Variants in PPP2R5A observed in about 807,000 individuals in gnomAD.
PPP2R5A encodes the protein serine/threonine-protein phosphatase 2A 56 kDa regulatory subunit alpha isoform.
Under a neutral mutation model 64.2 loss-of-function variants are expected in PPP2R5A, and 25 were observed. That is an observed-to-expected ratio of 0.39 (90% CI 0.28 to 0.54). The LOEUF is 0.54. Among genes scored for constraint, PPP2R5A ranks in the 20% least tolerant of loss-of-function variants. The probability of loss-of-function intolerance (pLI) is 0.67; values close to 1 mark genes in which losing one functional copy is unlikely to be tolerated. For missense variants in PPP2R5A, 425 were observed against 576.3 expected (o/e 0.74, Z 2.69); for synonymous variants, 198 against 201.2 (o/e 0.98, Z 0.13).
chr1:212,333,592 C>T lies in PPP2R5A; in HGVS notation c.474C>T (p.His158=), dbSNP rs776657072. 6.6e-7 allele frequency: 1 copy of T among 1,515,700 alleles called. No homozygotes were observed. 93.9% of individuals were successfully genotyped at this position (1,515,700 alleles called of 1,614,324 possible). A position where few individuals can be genotyped will look rare whatever the true frequency, so the allele number is the denominator to read the frequency against. ...CCACGCTTGAGGCCTCTTGGCCTCACATACAGGTATGGAACATAATTACGT... is the reference window on the plus strand; with the variant it reads ...CCACGCTTGAGGCCTCTTGGCCTCATATACAGGTATGGAACATAATTACGT... The part of the protein sequence containing the change: ...DEPTLEASWP[H]IQLVYEFFLR... Residue 158 remains histidine (H), a synonymous_variant, in exon 3 of 13, where the codon CAC becomes CAT. Coordinates refer to ENST00000261461, the MANE Select transcript of PPP2R5A (RefSeq NM_006243.4).
At chr1:212,354,207 TAAC>T (rs956110941) in intron 8 of PPP2R5A, among the ~76,000 whole-genome samples, 1 of 151,714 alleles carries the variant, frequency 6.6e-6, no homozygotes, top group African/African-American at 2.4e-5. Context: ...TAAATAAAAA[TAAC>T]AGGCTACATA....
chr1:212,314,402 ATGGGTTCTT>A (rs1659105282), intron 1 of PPP2R5A, among the ~76,000 whole-genome samples: 2 of 151,626 alleles, frequency 1.3e-5, no homozygotes, highest in Non-Finnish European at 2.9e-5. Flanking sequence ...TTTTTTTAAG[ATGGGTTCTT>A]AAAAAACCCA....
At chr1:212,322,074 G>A (rs1316694986) in intron 1 of PPP2R5A, among the ~76,000 whole-genome samples, 1 of 151,506 alleles carries the variant, frequency 6.6e-6, no homozygotes, top group East Asian at 1.9e-4. Flanking sequence ...TGCAATCGCA[G>A]GCACTCGGCA....
intron 1 of PPP2R5A, among the ~76,000 whole-genome samples, chr1:212,308,117 A>G (rs964274294): frequency 3.9e-4 from 60 of 152,134 alleles, no homozygotes; most frequent in African/African-American, 1.3e-3. Context: ...CATTTTTGAA[A>G]GATCGTTTTA....
At chr1:212,316,177 A>G (rs1216728376) in intron 1 of PPP2R5A, among the ~76,000 whole-genome samples, 2 of 152,210 alleles carry the variant, frequency 1.3e-5, no homozygotes, top group East Asian at 3.8e-4. Context: ...GAAGCTAGAA[A>G]TGATTAAGCT....
chr1:212,294,068 A>T (rs977444436), intron 1 of PPP2R5A, among the ~76,000 whole-genome samples: 1 of 152,224 alleles, frequency 6.6e-6, no homozygotes, highest in Non-Finnish European at 1.5e-5. Flanking sequence ...AAGAATTTTT[A>T]AATGGCTTAG....
intron 12 of PPP2R5A, among the ~76,000 whole-genome samples, chr1:212,360,009 C>G (rs1660051523): frequency 6.6e-6 from 1 of 152,156 alleles, no homozygotes; most frequent in African/African-American, 2.4e-5. Context: ...TTTACATGTT[C>G]ATGGAGCCTT....
At chr1:212,331,100 G>A (rs1311590515) in intron 2 of PPP2R5A, among the ~76,000 whole-genome samples, 4 of 151,452 alleles carry the variant, frequency 2.6e-5, no homozygotes, top group African/African-American at 7.3e-5. Context: ...CCTGGGAGGC[G>A]GAGGTTGCAG....
chr1:212,311,206 T>C (rs1188956000), intron 1 of PPP2R5A, among the ~76,000 whole-genome samples: 1 of 152,194 alleles, frequency 6.6e-6, no homozygotes, highest in Non-Finnish European at 1.5e-5. Context: ...GCATGGTGGC[T>C]CAAGCCTATC....
chr1:212,321,197 C>A (rs1210256624), intron 1 of PPP2R5A, among the ~76,000 whole-genome samples: 2 of 146,648 alleles, frequency 1.4e-5, no homozygotes, highest in African/African-American at 5.1e-5. Flanking sequence ...GGGGGCTGAC[C>A]CCCCCACATC....
At chr1:212,336,779 C>G (rs1659600147) in intron 3 of PPP2R5A, among the ~76,000 whole-genome samples, 1 of 152,134 alleles carries the variant, frequency 6.6e-6, no homozygotes, top group South Asian at 2.1e-4. Context: ...ATGAAAGTTT[C>G]TTCTGCTATT....
chr1:212,327,656 C>T (rs1259736301), intron 1 of PPP2R5A, among the ~76,000 whole-genome samples: 2 of 152,054 alleles, frequency 1.3e-5, no homozygotes, highest in Admixed American at 6.6e-5. Flanking sequence ...TCAAGTCATC[C>T]GCCTGCCTCA....
At chr1:212,328,309 T>C (rs1249582185) in intron 1 of PPP2R5A, among the ~76,000 whole-genome samples, 3 of 152,026 alleles carry the variant, frequency 2.0e-5, no homozygotes, top group Admixed American at 2.0e-4. Flanking sequence ...AGCAAGAGTT[T>C]GTCTCAAAAA....
intron 1 of PPP2R5A, among the ~76,000 whole-genome samples, chr1:212,324,763 C>T (rs113901813): frequency 8.4e-4 from 128 of 152,212 alleles, no homozygotes; most frequent in African/African-American, 2.9e-3. Flanking sequence ...TGCCACCATG[C>T]CCGGCTAATT....
chr1:212,346,040 C>CTCAA, intron 5 of PPP2R5A, 107 bp downstream of exon 5: 2 of 1,155,360 alleles, frequency 1.7e-6, no homozygotes, highest in Non-Finnish European at 1.2e-6. Flanking sequence ...CTCACTCTGT[C>CTCAA]ATCCAGGCTG....
chr1:212,294,962 A>G (rs1280123347), intron 1 of PPP2R5A, among the ~76,000 whole-genome samples: 1 of 152,198 alleles, frequency 6.6e-6, no homozygotes, highest in East Asian at 1.9e-4. Flanking sequence ...GTAATTGAGC[A>G]TAGCATATTT....
In PPP2R5A at chr1:212,321,472, G is replaced by A. The variant is rs1004222660; in HGVS notation, c.182-7663G>A. ...CGGAGGGGCTCCTCACTTCTCAGAC[G>A]GTGTGGCTGCCGGGCGGAGGGGCTC... On this transcript the variant is annotated intron_variant, in intron 1 of 12. Coordinates refer to ENST00000261461, the MANE Select transcript of PPP2R5A (RefSeq NM_006243.4). Among the ~76,000 whole-genome samples, 4 of 150,054 alleles carry A rather than the reference G, an allele frequency of 2.7e-5. No homozygotes were observed. The East Asian group carries it at 6.0e-4, about 23-fold the overall frequency.
chr1:212,292,665 T>G (rs532324269), intron 1 of PPP2R5A, among the ~76,000 whole-genome samples: 1 of 152,310 alleles, frequency 6.6e-6, no homozygotes, highest in South Asian at 2.1e-4. Context: ...CTCAAACTTC[T>G]GGGCTCAGGC....
At chr1:212,357,441 AC>A (rs1659997634) in intron 11 of PPP2R5A, 157 bp downstream of exon 11, 1 of 592,608 alleles carries the variant, frequency 1.7e-6, no homozygotes. Context: ...ATATACGTAT[AC>A]CTTTATCAAG....
Sources: allele counts gnomAD v4.1 joint callset (sites outside exome capture counted in the v4.1 genomes callset), GRCh38; gene constraint gnomAD v4.1.1; transcripts MANE v1.5; gene names NCBI Gene and HGNC (gene_info 2026-07-23, HGNC 2026-07-21).